OPCML: variants seen among roughly 807,000 people sequenced by gnomAD.
The protein encoded by OPCML is opioid binding protein/cell adhesion molecule like.
Under a neutral mutation model 37.8 loss-of-function variants are expected in OPCML, and 13 were observed. That is an observed-to-expected ratio of 0.34 (90% CI 0.22 to 0.55). OPCML has a LOEUF of 0.55. OPCML is among the 20% of genes least tolerant of loss of function. The pLI, the probability that OPCML is intolerant of heterozygous loss-of-function variation, is 0.91. For synonymous variants in OPCML, 176 were observed against 168.8 expected (o/e 1.04, Z -0.33); for missense variants, 341 against 435.6 (o/e 0.78, Z 1.93).
At chr11:133,046,541 T>A (rs1486028968) in intron 1 of OPCML, among the ~76,000 whole-genome samples, 1 of 152,098 alleles carries the variant, frequency 6.6e-6, no homozygotes, top group Non-Finnish European at 1.5e-5. Flanking sequence ...TCAGACAGCA[T>A]CATAGGCATC....
intron 4 of OPCML, among the ~76,000 whole-genome samples, chr11:132,493,298 A>G (rs983983823): frequency 6.6e-6 from 1 of 152,204 alleles, no homozygotes; most frequent in Non-Finnish European, 1.5e-5. Context: ...GGCTCCAGAA[A>G]GAAGCAACTT....
At chr11:132,702,037 C>T (rs1943846347) in intron 2 of OPCML, among the ~76,000 whole-genome samples, 1 of 152,038 alleles carries the variant, frequency 6.6e-6, no homozygotes, top group South Asian at 2.1e-4. Flanking sequence ...ATTATTATGG[C>T]TATAATTATT....
At chr11:133,148,413 TG>T (rs1303891563) in intron 1 of OPCML, among the ~76,000 whole-genome samples, 1 of 152,208 alleles carries the variant, frequency 6.6e-6, no homozygotes, top group Non-Finnish European at 1.5e-5. Context: ...TGCTTCTTAC[TG>T]CGTTGGTAAA....
At chr11:133,375,203 G>A (rs893949960) in intron 1 of OPCML, among the ~76,000 whole-genome samples, 1 of 152,098 alleles carries the variant, frequency 6.6e-6, no homozygotes, top group Non-Finnish European at 1.5e-5. Flanking sequence ...ATGTACTACC[G>A]TCTCACAACA....
In OPCML at chr11:132,997,968, G is replaced by C. The variant is rs73586500; in HGVS notation, c.62-54958C>G. Among the ~76,000 whole-genome samples the C allele has an allele frequency of 4.3e-3, 651 of 152,260 alleles. 5 individuals are homozygous for C. Among genetic ancestry groups the C allele is most frequent in the African/African-American group, 0.015 (631 of 41,550 alleles). On this transcript the variant is annotated intron_variant, in intron 1 of 7. Coordinates refer to ENST00000524381, the MANE Select transcript of OPCML (RefSeq NM_001012393.5). ...GGAGGTTCACATCCTGCTGACATTG[G>C]GACCAAGAACTTGCCTGACCCCTAG...
chr11:133,494,216 AAAC>A (rs1260235074), intron 1 of OPCML, among the ~76,000 whole-genome samples: 10 of 152,124 alleles, frequency 6.6e-5, no homozygotes, highest in Non-Finnish European at 1.0e-4. Flanking sequence ...AAAAGTCAGG[AAAC>A]AACAGGTGCT....
chr11:132,771,995 T>C lies in OPCML; in HGVS notation c.147-114676A>G, dbSNP rs1373351602. ...AGGAATAGTCCCTCTGTTCTCTGGATTGGGGCCATGCAGCCCAAAGCCCAG... is the reference window on the plus strand; with the variant it reads ...AGGAATAGTCCCTCTGTTCTCTGGACTGGGGCCATGCAGCCCAAAGCCCAG... On this transcript the variant is annotated intron_variant, in intron 2 of 7. Coordinates refer to ENST00000524381, the MANE Select transcript of OPCML (RefSeq NM_001012393.5). 5 of 152,182 alleles carry C rather than the reference T, an allele frequency of 3.3e-5. No homozygotes were observed. In the East Asian group the frequency reaches 5.8e-4, roughly 18 times the overall value. The allele number at this position is 152,182 out of a possible 1,614,324, so 9.4% of individuals were successfully genotyped here. A position where few individuals can be genotyped will look rare whatever the true frequency, so the allele number is the denominator to read the frequency against.
At chr11:133,388,989 C>T (rs1945113296) in intron 1 of OPCML, among the ~76,000 whole-genome samples, 1 of 152,174 alleles carries the variant, frequency 6.6e-6, no homozygotes, top group Non-Finnish European at 1.5e-5. Flanking sequence ...AACTGAGGCA[C>T]ACAGGTTAAA....
Position 133,276,796 on chromosome 11 carries a change from GTTCT to G in OPCML, c.61+255464_61+255467del, listed in dbSNP as rs1942007760. On this transcript the variant is annotated intron_variant, in intron 1 of 7. Transcript: ENST00000524381. ...GTTTGTTTTTATAACTTCTATGACA[GTTCT>G]TTTTCTTTATCCAACCCTTCCCCAA... 3.9e-5 allele frequency among the ~76,000 whole-genome samples: 6 copies of G among 152,104 alleles called. No homozygotes were observed. In the South Asian group the frequency reaches 1.0e-3, roughly 26 times the overall value.
intron 1 of OPCML, among the ~76,000 whole-genome samples, chr11:133,350,305 T>C (rs1178587628): frequency 6.6e-6 from 1 of 152,166 alleles, no homozygotes; most frequent in African/African-American, 2.4e-5. Context: ...AGGTCTATAG[T>C]TTAGGGTAAC....
chr11:132,645,746 T>G (rs1046701098), intron 3 of OPCML, among the ~76,000 whole-genome samples: 4 of 152,262 alleles, frequency 2.6e-5, no homozygotes, highest in Admixed American at 6.5e-5. Flanking sequence ...GTGTGTCTAT[T>G]TCAAATTAAA....
chr11:133,114,582 G>A (rs149186287), intron 1 of OPCML, among the ~76,000 whole-genome samples: 141 of 152,176 alleles, frequency 9.3e-4, no homozygotes, highest in African/African-American at 3.1e-3. Context: ...AACTTGCAAT[G>A]GTCCTCATCC....
At chr11:133,295,432 T>C (rs757215592) in intron 1 of OPCML, among the ~76,000 whole-genome samples, 8 of 152,206 alleles carry the variant, frequency 5.3e-5, no homozygotes, top group Non-Finnish European at 1.2e-4. Flanking sequence ...TACAGGAGCA[T>C]AGGCAGGATC....
At chr11:133,420,726 C>A (rs1945868868) in intron 1 of OPCML, 1 of 985,226 alleles carries the variant, frequency 1.0e-6, no homozygotes, top group African/African-American at 1.7e-5. Context: ...ATGTCAAGGG[C>A]TTGGGGACTA....
At chr11:132,668,789 C>T (rs1302653956) in intron 2 of OPCML, among the ~76,000 whole-genome samples, 1 of 152,162 alleles carries the variant, frequency 6.6e-6, no homozygotes, top group Non-Finnish European at 1.5e-5. Context: ...ACTAGCTAAT[C>T]CTTCTAGGGC....
At chr11:133,295,982 C>T (rs968269100) in intron 1 of OPCML, among the ~76,000 whole-genome samples, 4 of 152,136 alleles carry the variant, frequency 2.6e-5, no homozygotes, top group African/African-American at 9.7e-5. Flanking sequence ...ATTTAATGAT[C>T]ATCTATTTTT....
intron 1 of OPCML, among the ~76,000 whole-genome samples, chr11:133,229,661 G>GA (rs1014342236): frequency 5.3e-5 from 8 of 151,914 alleles, no homozygotes; most frequent in East Asian, 1.9e-4. Flanking sequence ...AAACTGTAAA[G>GA]AAAAAAAAGA....
At chr11:133,028,102 C>G (rs532014997) in intron 1 of OPCML, among the ~76,000 whole-genome samples, 9 of 152,154 alleles carry the variant, frequency 5.9e-5, no homozygotes, top group African/African-American at 2.2e-4. Context: ...TCTCCCACAT[C>G]TTTTCTCAAC....
intron 1 of OPCML, among the ~76,000 whole-genome samples, chr11:132,963,519 G>A (rs1352381448): frequency 6.6e-6 from 1 of 151,458 alleles, no homozygotes; most frequent in Non-Finnish European, 1.5e-5. Context: ...TTGAACCCAG[G>A]AGGCGGAGGT....
Sources: gnomAD v4.1 joint callset for allele counts (sites outside exome capture counted in the v4.1 genomes callset) on GRCh38, gnomAD v4.1.1 for gene constraint, MANE v1.5 for transcripts, NCBI Gene and HGNC (gene_info 2026-07-23, HGNC 2026-07-21) for gene names.